DPP6: variants seen among roughly 807,000 people sequenced by gnomAD.
The protein encoded by DPP6 is A-type potassium channel modulatory protein DPP6.
A neutral mutation model predicts 122.6 loss-of-function variants in DPP6; 69 were observed. The ratio of observed to expected loss-of-function variants is 0.56; its 90% CI spans 0.46 to 0.69. The LOEUF is 0.69. DPP6 is among the 30% of genes least tolerant of loss of function. The probability of loss-of-function intolerance (pLI) is 0.00; values close to 1 mark genes in which losing one functional copy is unlikely to be tolerated. For synonymous variants in DPP6, 418 were observed against 433.1 expected (o/e 0.97, Z 0.43); for missense variants, 928 against 1,116.9 (o/e 0.83, Z 2.41).
intron 1 of DPP6, among the ~76,000 whole-genome samples, chr7:154,119,275 G>A (rs371780352): frequency 3.9e-5 from 6 of 152,122 alleles, no homozygotes; most frequent in South Asian, 4.1e-4. Flanking sequence ...ACACAGGTCC[G>A]GATGCTCACC....
chr7:154,604,618 A>G (rs1008661450), intron 5 of DPP6, among the ~76,000 whole-genome samples: 4 of 120,990 alleles, frequency 3.3e-5, no homozygotes, highest in African/African-American at 1.0e-4. Context: ...TGTCTTAAAT[A>G]TAATTTAGAA....
intron 1 of DPP6, among the ~76,000 whole-genome samples, chr7:154,003,085 A>T (rs1175740092): frequency 6.6e-6 from 1 of 152,180 alleles, no homozygotes; most frequent in Non-Finnish European, 1.5e-5. Context: ...AAGAAAGGAG[A>T]AAAGGGCCTT....
chr7:153,952,874 G>A (rs1355016532), intron 1 of DPP6, among the ~76,000 whole-genome samples: 1 of 152,196 alleles, frequency 6.6e-6, no homozygotes, highest in Non-Finnish European at 1.5e-5. Context: ...AAATACAGGA[G>A]TCAGTCAGAT....
At chr7:154,569,311 G>C (rs1009800140) in intron 5 of DPP6, among the ~76,000 whole-genome samples, 4 of 151,950 alleles carry the variant, frequency 2.6e-5, no homozygotes, top group African/African-American at 9.7e-5. Flanking sequence ...TGCTAGTATT[G>C]TATTAATAGT....
intron 10 of DPP6, among the ~76,000 whole-genome samples, chr7:154,782,205 G>A (rs1797070242): frequency 1.3e-5 from 2 of 152,180 alleles, no homozygotes; most frequent in Admixed American, 6.5e-5. Flanking sequence ...CAGTGCATTG[G>A]TAGGCAGATA....
chr7:153,980,352 T>C (rs943696152), intron 1 of DPP6, among the ~76,000 whole-genome samples: 1 of 152,224 alleles, frequency 6.6e-6, no homozygotes, highest in African/African-American at 2.4e-5. Context: ...TATAATATTC[T>C]CTGATGGTAG....
chr7:154,469,945 A>G (rs2151335173), intron 2 of DPP6, among the ~76,000 whole-genome samples: 1 of 152,310 alleles, frequency 6.6e-6, no homozygotes, highest in East Asian at 1.9e-4. Flanking sequence ...TTTAAGCAAA[A>G]GTGATCTCAT....
intron 5 of DPP6, among the ~76,000 whole-genome samples, chr7:154,567,853 A>AT (rs1830859493): frequency 6.6e-6 from 1 of 152,178 alleles, no homozygotes; most frequent in Admixed American, 6.5e-5. Context: ...AAGCTGGGGT[A>AT]TTGGTTTGTA....
At chr7:154,620,035 C>T (rs1008767596) in intron 5 of DPP6, among the ~76,000 whole-genome samples, 14 of 152,130 alleles carry the variant, frequency 9.2e-5, no homozygotes, top group African/African-American at 2.2e-4. Flanking sequence ...CCCAGGAATC[C>T]GCACATTTCA....
At chr7:154,399,303 C>T (rs1439526239) in intron 1 of DPP6, among the ~76,000 whole-genome samples, 1 of 152,176 alleles carries the variant, frequency 6.6e-6, no homozygotes, top group Non-Finnish European at 1.5e-5. Flanking sequence ...TCTTTATGTT[C>T]AAATGCAACT....
the DPP6 span, among the ~76,000 whole-genome samples, chr7:153,863,911 T>C: frequency 6.6e-6 from 1 of 152,250 alleles, no homozygotes; most frequent in Admixed American, 6.5e-5. Flanking sequence ...ATCAGTACTT[T>C]ATTCCCTTTA....
At chr7:154,475,495 A>C (rs1267045552) in intron 3 of DPP6, 1 of 211,732 alleles carries the variant, frequency 4.7e-6, no homozygotes, top group Non-Finnish European at 9.5e-6. Context: ...ATAGCTTCCA[A>C]ATGAAACTTG....
Position 154,410,450 on chromosome 7 carries a change from C to T in DPP6, c.244-35764C>T, listed in dbSNP as rs549476893. Among the ~76,000 whole-genome samples, 5 of 152,278 alleles carry T rather than the reference C, an allele frequency of 3.3e-5. No individual in the cohort carries two copies. In the South Asian group the frequency reaches 1.0e-3, roughly 32 times the overall value. Reference sequence around the variant, plus strand: ...ATCAGGTATAAATGTGGTTTTTCATCCACATTTCATTTATGAGGCAGATGA... The same window carrying T: ...ATCAGGTATAAATGTGGTTTTTCATTCACATTTCATTTATGAGGCAGATGA... On this transcript the variant is annotated intron_variant, in intron 1 of 25. Coordinates refer to ENST00000377770, the MANE Select transcript of DPP6 (RefSeq NM_130797.4).
At chr7:154,324,930 G>T (rs1378273523) in intron 1 of DPP6, among the ~76,000 whole-genome samples, 2 of 125,736 alleles carry the variant, frequency 1.6e-5, no homozygotes, top group African/African-American at 6.0e-5. Context: ...GCACCATCTT[G>T]GCTCACTGCA....
At chr7:153,949,713 C>T (rs1285852744) in intron 1 of DPP6, among the ~76,000 whole-genome samples, 1 of 152,232 alleles carries the variant, frequency 6.6e-6, no homozygotes, top group East Asian at 1.9e-4. Context: ...CCTCTAATCA[C>T]TTGGAAGAAC....
chr7:154,095,392 G>T (rs1805251774), intron 1 of DPP6: 1 of 140,544 alleles, frequency 7.1e-6, no homozygotes, highest in South Asian at 2.5e-4. Context: ...GAGCGGCAAA[G>T]TCTAAATTAA....
At chr7:153,838,685 T>A in the DPP6 span, among the ~76,000 whole-genome samples, 4 of 152,182 alleles carry the variant, frequency 2.6e-5, no homozygotes, top group African/African-American at 9.7e-5. Context: ...TCCATCTTAA[T>A]GCCTTGGTGT....
At chr7:153,908,331 T>A (rs1799938269) in intron 1 of DPP6, among the ~76,000 whole-genome samples, 1 of 152,176 alleles carries the variant, frequency 6.6e-6, no homozygotes, top group Admixed American at 6.5e-5. Flanking sequence ...GTCAAAAAAG[T>A]ATAGTTATGG....
intron 15 of DPP6, 141 bp downstream of exon 15, chr7:154,805,105 A>G (rs1284073716): frequency 1.3e-5 from 15 of 1,199,270 alleles, no homozygotes; most frequent in Non-Finnish European, 1.7e-5. Context: ...TAGAGTCTGG[A>G]GAGAAGTAAT....
Sources: gnomAD v4.1 joint callset for allele counts (sites outside exome capture counted in the v4.1 genomes callset) on GRCh38, gnomAD v4.1.1 for gene constraint, MANE v1.5 for transcripts, NCBI Gene and HGNC (gene_info 2026-07-23, HGNC 2026-07-21) for gene names.